The following ATG7 variants were observed in gnomAD, a reference collection of about 807,000 sequenced individuals.
ATG7 encodes ubiquitin-like modifier-activating enzyme ATG7.
ATG7 carries 70 observed loss-of-function variants against 82.4 expected under a neutral mutation model. The observed-to-expected ratio is 0.85, with a 90% CI of 0.70 to 1.04. The LOEUF is 1.04. ATG7 is among the 50% of genes least tolerant of loss of function. The probability of loss-of-function intolerance (pLI) is 0.00; values close to 1 mark genes in which losing one functional copy is unlikely to be tolerated. For missense variants in ATG7, 792 were observed against 864.3 expected (o/e 0.92, Z 1.05); for synonymous variants, 287 against 313.0 (o/e 0.92, Z 0.88).
intron 11 of ATG7, 79 bp from the exon 12 acceptor site, chr3:11,340,566 T>C: frequency 7.7e-7 from 1 of 1,304,284 alleles, no homozygotes; most frequent in Non-Finnish European, 1.1e-6. Flanking sequence ...GTCGATCTTT[T>C]TTATGTAAGG....
chr3:11,547,323 G>C (rs1356210461), intron 20 of ATG7, among the ~76,000 whole-genome samples: 1 of 152,212 alleles, frequency 6.6e-6, no homozygotes, highest in Admixed American at 6.5e-5. Flanking sequence ...GGGCTGCCGG[G>C]AAGAGAGTGG....
intron 14 of ATG7, among the ~76,000 whole-genome samples, chr3:11,354,302 A>G (rs960256742): frequency 6.6e-6 from 1 of 152,200 alleles, no homozygotes; most frequent in African/African-American, 2.4e-5. Context: ...AGTAAATTGA[A>G]TAAGAAAACA....
chr3:11,455,638 T>G (rs983927329), intron 20 of ATG7, among the ~76,000 whole-genome samples: 3 of 152,310 alleles, frequency 2.0e-5, no homozygotes, highest in Non-Finnish European at 2.9e-5. Flanking sequence ...CCAGGAGCAC[T>G]TGTAAGGCTG....
intron 19 of ATG7, among the ~76,000 whole-genome samples, chr3:11,383,416 A>G (rs1420704046): frequency 6.6e-6 from 1 of 152,120 alleles, no homozygotes; most frequent in Non-Finnish European, 1.5e-5. Context: ...TCCTCATGTC[A>G]GGAGTTATAT....
chr3:11,379,094 A>T (rs2077677163), intron 18 of ATG7, among the ~76,000 whole-genome samples: 1 of 152,114 alleles, frequency 6.6e-6, no homozygotes, highest in Admixed American at 6.5e-5. Context: ...CTTACTGTTT[A>T]CCTGAGCCAA....
chr3:11,417,800 A>ATTTTTTTTTTT (rs1314378737), intron 19 of ATG7, among the ~76,000 whole-genome samples: 3 of 109,364 alleles, frequency 2.7e-5, no homozygotes, highest in African/African-American at 6.5e-5. Flanking sequence ...TATTATTATT[A>ATTTTTTTTTTT]TTTTATTTTA....
intron 20 of ATG7, among the ~76,000 whole-genome samples, chr3:11,511,776 C>T (rs1285788117): frequency 1.3e-5 from 2 of 152,188 alleles, no homozygotes; most frequent in African/African-American, 4.8e-5. Context: ...AGAAATCGAG[C>T]ACAGCACCGG....
intron 20 of ATG7, among the ~76,000 whole-genome samples, chr3:11,539,934 G>A (rs1373560096): frequency 6.6e-6 from 1 of 152,168 alleles, no homozygotes; most frequent in Non-Finnish European, 1.5e-5. Flanking sequence ...GTAGCGTCTC[G>A]CTGTGTGAGT....
intron 20 of ATG7, among the ~76,000 whole-genome samples, chr3:11,495,263 A>C (rs1372649759): frequency 6.6e-6 from 1 of 152,250 alleles, no homozygotes; most frequent in Admixed American, 6.5e-5. Flanking sequence ...ATTAAGGATC[A>C]TGGGATGAAT....
chr3:11,292,974 T>A (rs1042028035), intron 3 of ATG7, among the ~76,000 whole-genome samples: 1 of 152,196 alleles, frequency 6.6e-6, no homozygotes, highest in South Asian at 2.1e-4. Flanking sequence ...ATTAGTGCTT[T>A]ATTGCGTTGA....
At chr3:11,574,208 C>G in the ATG7 span, among the ~76,000 whole-genome samples, 1 of 152,188 alleles carries the variant, frequency 6.6e-6, no homozygotes, top group African/African-American at 2.4e-5. Flanking sequence ...TTCCCTAGGC[C>G]GTACCCACCC....
intron 20 of ATG7, among the ~76,000 whole-genome samples, chr3:11,514,923 C>G (rs1022917134): frequency 3.3e-5 from 5 of 151,532 alleles, no homozygotes; most frequent in East Asian, 3.9e-4. Context: ...TCACTGCAAC[C>G]TCCACCTACC....
intron 13 of ATG7, among the ~76,000 whole-genome samples, chr3:11,342,736 T>G (rs1953855286): frequency 6.6e-6 from 1 of 152,172 alleles, no homozygotes; most frequent in Non-Finnish European, 1.5e-5. Context: ...GACTATGTTC[T>G]TTATTTAATC....
chr3:11,273,064 C>A (rs1940855950), intron 1 of ATG7, among the ~76,000 whole-genome samples: 1 of 152,214 alleles, frequency 6.6e-6, no homozygotes, highest in South Asian at 2.1e-4. Flanking sequence ...GAAGTACAAG[C>A]CAAACCGTGT....
intron 3 of ATG7, 136 bp from the exon 4 acceptor site, chr3:11,298,550 A>G (rs992596678): frequency 1.6e-5 from 12 of 765,498 alleles, no homozygotes; most frequent in Non-Finnish European, 2.5e-5. Context: ...TCCAAAAAGA[A>G]GTTGTGTTTC....
At chr3:11,505,622 T>G (rs1224242923) in intron 20 of ATG7, among the ~76,000 whole-genome samples, 1 of 152,204 alleles carries the variant, frequency 6.6e-6, no homozygotes, top group Non-Finnish European at 1.5e-5. Context: ...AAGACCACTC[T>G]CAGCCCTCAA....
chr3:11,484,963 T>C (rs1469597279), intron 20 of ATG7, among the ~76,000 whole-genome samples: 1 of 152,212 alleles, frequency 6.6e-6, no homozygotes, highest in African/African-American at 2.4e-5. Context: ...GTTGGGTTGG[T>C]TCCAAGTCTT....
At chr3:11,379,672 A>G (rs2077721823) in intron 18 of ATG7, among the ~76,000 whole-genome samples, 1 of 152,228 alleles carries the variant, frequency 6.6e-6, no homozygotes, top group South Asian at 2.1e-4. Context: ...ATTTGTTAAA[A>G]AATACTTTAG....
intron 19 of ATG7, among the ~76,000 whole-genome samples, chr3:11,405,804 G>C (rs2080272804): frequency 6.6e-6 from 1 of 150,954 alleles, no homozygotes; most frequent in Non-Finnish European, 1.5e-5. Flanking sequence ...ATTTTTTGTA[G>C]AGATGGGGTT....
Sources: allele counts gnomAD v4.1 joint callset (sites outside exome capture counted in the v4.1 genomes callset), GRCh38; gene constraint gnomAD v4.1.1; transcripts MANE v1.5; gene names NCBI Gene and HGNC (gene_info 2026-07-23, HGNC 2026-07-21).